Variants in DNAH2 observed in about 807,000 individuals in gnomAD.
DNAH2 encodes the protein axonemal beta dynein heavy chain 2.
Under a neutral mutation model 523.5 loss-of-function variants are expected in DNAH2, and 323 were observed. The observed-to-expected ratio is 0.62, with a 90% CI of 0.56 to 0.68. DNAH2 has a LOEUF of 0.68. Ranked by LOEUF, DNAH2 falls within the 30% of genes least tolerant of loss-of-function variation. DNAH2 has a pLI of 0.00. For synonymous variants in DNAH2, 2,093 were observed against 2,177.4 expected (o/e 0.96, Z 1.08); for missense variants, 4,907 against 5,701.5 (o/e 0.86, Z 4.49).
At chr17:7,813,070 A>G (rs2077564463) in intron 63 of DNAH2, among the ~76,000 whole-genome samples, 1 of 152,124 alleles carries the variant, frequency 6.6e-6, no homozygotes, top group South Asian at 2.1e-4. Flanking sequence ...GCCTCTAAAG[A>G]AGGAACCTGG....
chr17:7,808,835 C>T (rs1349384336), intron 63 of DNAH2, among the ~76,000 whole-genome samples: 1 of 152,190 alleles, frequency 6.6e-6, no homozygotes, highest in Non-Finnish European at 1.5e-5. Context: ...GTCTCAAACT[C>T]CTGACCTCAG....
Position 7,780,480 on chromosome 17 carries a change from C to A in DNAH2, c.5851-150C>A. On this transcript the variant is annotated intron_variant, in intron 37 of 85. Coordinates refer to ENST00000572933, the MANE Select transcript of DNAH2 (RefSeq NM_020877.5). This position sits in a 1 kb window ranked among gnomAD's most constrained non-coding sequence, Gnocchi z 4.4. ...TGATATCACTAACTGACAATGGCGT[C>A]ATTCACACAATTTCCTCAGGAGAAT... The A allele has an allele frequency of 7.2e-7, 1 of 1,384,544 alleles. No individual in the cohort carries two copies. Among genetic ancestry groups the A allele is most frequent in the Non-Finnish European group, 9.9e-7 (1 of 1,008,536 alleles). The allele number at this position is 1,384,544 out of a possible 1,614,324, so 85.8% of individuals were successfully genotyped here. A position where few individuals can be genotyped will look rare whatever the true frequency, so the allele number is the denominator to read the frequency against.
At chr17:7,825,489 G>A (rs909688652) in intron 77 of DNAH2, among the ~76,000 whole-genome samples, 2 of 152,162 alleles carry the variant, frequency 1.3e-5, no homozygotes, top group Non-Finnish European at 2.9e-5. Context: ...ACAGTCGACT[G>A]TCCCTTTCCC....
rs1371061371 is a variant in DNAH2, at chr17:7,780,602, T to C, written c.5851-28T>C. ...CAGAGGGATTTGTGGGGAGATGGAC[T>C]GTTTCCTCCTCTGTTTTGGTTCCCC... On this transcript the variant is annotated intron_variant, in intron 37 of 85. Coordinates refer to ENST00000572933, the MANE Select transcript of DNAH2 (RefSeq NM_020877.5). This position sits in a 1 kb window ranked among gnomAD's most constrained non-coding sequence, Gnocchi z 4.4. The C allele has an allele frequency of 6.2e-7, 1 of 1,611,610 alleles. No homozygotes were observed. Among genetic ancestry groups the C allele is most frequent in the Non-Finnish European group, 8.5e-7 (1 of 1,178,718 alleles).
intron 39 of DNAH2, among the ~76,000 whole-genome samples, chr17:7,785,536 C>T (rs1485091520): frequency 6.6e-6 from 1 of 152,162 alleles, no homozygotes; most frequent in Admixed American, 6.5e-5. Context: ...TTAGTGAGGC[C>T]TGTTAGTGCA....
chr17:7,798,190 G>A lies in DNAH2; in HGVS notation c.8264G>A (p.Arg2755Gln), dbSNP rs200955449. The A allele has an allele frequency of 3.2e-4, 513 of 1,609,824 alleles. 3 individuals carry two copies. The highest frequency in any genetic ancestry group is 6.2e-5 in the Non-Finnish European group (73 of 1,176,680). ...TRIVRVIGQP[R>Q]GNMLLVGIGG... is the part of the protein sequence containing the mutation. ...ATCGTGCGGGTCATTGGACAGCCTC[G>A]GGGCAACATGCTCCTGGTGGGTATC... Residue 2755 changes from arginine to glutamine, a missense_variant, in exon 54 of 86, where the codon CGG becomes CAG. Physicochemically the swap from Arg to Gln is conservative, Grantham distance 43 (BLOSUM62 1). This residue lies in a region of DNAH2 where 1,851 missense variants were observed against 2,139.4 expected (regional missense o/e 0.87). Coordinates refer to ENST00000572933, the MANE Select transcript of DNAH2 (RefSeq NM_020877.5). The surrounding 1 kb of genome is among the most constrained non-coding windows in gnomAD (Gnocchi z 5.5).
chr17:7,822,080 C>T lies in DNAH2; in HGVS notation c.11142+711C>T, dbSNP rs140604172. 5.9e-3 allele frequency among the ~76,000 whole-genome samples: 894 copies of T among 152,310 alleles called. 11 individuals carry two copies. The highest frequency in any genetic ancestry group is 0.02 in the African/African-American group (842 of 41,564). ...CGACCTCCCAGGCTCAAGCCATCCT[C>T]GCATCTTAGCCTCTGGAGTAGCTGG... On this transcript the variant is annotated intron_variant, in intron 73 of 85. Transcript: ENST00000572933.
Position 7,780,329 on chromosome 17 carries a change from A to G in DNAH2, c.5850+45A>G. ...TCTCCAGTGATTTTAATTTCCTTTC[A>G]TAATTATTCCCTGGACAGAGGAGCT... On this transcript the variant is annotated intron_variant, in intron 37 of 85. Transcript: ENST00000572933. The surrounding 1 kb of genome is among the most constrained non-coding windows in gnomAD (Gnocchi z 4.4). 1 of 1,613,320 alleles carries G rather than the reference A, an allele frequency of 6.2e-7. No homozygotes were observed. The highest frequency in any genetic ancestry group is 8.5e-7 in the Non-Finnish European group (1 of 1,179,766).
intron 76 of DNAH2, 96 bp from the exon 77 acceptor site, chr17:7,824,441 G>GC (rs1213599455): frequency 1.6e-5 from 22 of 1,396,514 alleles, no homozygotes; most frequent in African/African-American, 4.4e-5. Context: ...TTAGTGTTAG[G>GC]CCCCCCCAGC....
At chr17:7,818,256 G>A (rs1322682101) in intron 68 of DNAH2, 56 bp from the exon 69 acceptor site, 5 of 1,606,664 alleles carry the variant, frequency 3.1e-6, no homozygotes, top group Non-Finnish European at 4.3e-6. Flanking sequence ...GTGGGGGATG[G>A]GTTAGCTGGT....
chr17:7,816,363 A>G (rs185899543), intron 63 of DNAH2, among the ~76,000 whole-genome samples: 44 of 152,240 alleles, frequency 2.9e-4, no homozygotes, highest in Middle Eastern at 3.4e-3. Flanking sequence ...AAGAAAATTC[A>G]CCTCATCTCA....
At chr17:7,781,696 A>ACTGAAGTGTACCTG (rs1453423379) in intron 39 of DNAH2, among the ~76,000 whole-genome samples, 1 of 152,114 alleles carries the variant, frequency 6.6e-6, no homozygotes, top group East Asian at 1.9e-4. Flanking sequence ...CCGCTGACCT[A>ACTGAAGTGTACCTG]CTCAAGTGTA....
At chr17:7,820,263 C>A (rs2077816827) in intron 72 of DNAH2, among the ~76,000 whole-genome samples, 1 of 152,186 alleles carries the variant, frequency 6.6e-6, no homozygotes, top group Non-Finnish European at 1.5e-5. Context: ...GCACAATGGT[C>A]TCCTAGAGGT....
chr17:7,830,743 A>G lies in DNAH2; in HGVS notation c.12131A>G (p.Asn4044Ser), dbSNP rs780491886. ...DALKYLIAGI[N>S]YGGHVTDDWD... is the part of the protein sequence containing the mutation. ...CTTAAGTACCTCATTGCCGGCATCA[A>G]CTATGGTGGACATGTCACAGATGAC... is the stretch of plus-strand genomic sequence containing the variant. Residue 4044 changes from asparagine to serine, a missense_variant, in exon 79 of 86, where the codon AAC becomes AGC. Coordinates refer to ENST00000572933, the MANE Select transcript of DNAH2 (RefSeq NM_020877.5). 5.0e-6 allele frequency: 8 copies of G among 1,614,210 alleles called. No individual in the cohort carries two copies. The highest frequency in any genetic ancestry group is 6.8e-6 in the Non-Finnish European group (8 of 1,180,054).
Position 7,754,833 on chromosome 17 carries a change from C to T in DNAH2, c.1905-2258C>T. ...TCAGGCTCCCAAAGCTGCCCAGTGC[C>T]CTACAAAGACTTCAGAGTAGATATC... On this transcript the variant is annotated intron_variant, in intron 12 of 85. Transcript: ENST00000572933. This position sits in a 1 kb window ranked among gnomAD's most constrained non-coding sequence, Gnocchi z 4.6. 4.3e-6 allele frequency: 3 copies of T among 699,858 alleles called. No individual in the cohort carries two copies. The South Asian group carries it at 4.8e-5, about 11-fold the overall frequency. The allele number at this position is 699,858 out of a possible 1,614,324, so 43.4% of individuals were successfully genotyped here. A position where few individuals can be genotyped will look rare whatever the true frequency, so the allele number is the denominator to read the frequency against.
intron 12 of DNAH2, among the ~76,000 whole-genome samples, chr17:7,748,369 C>G (rs779249454): frequency 1.3e-5 from 2 of 152,180 alleles, no homozygotes; most frequent in African/African-American, 4.8e-5. Flanking sequence ...CTTTTCCCCC[C>G]GGGTCAGCCC....
In DNAH2 at chr17:7,828,479, T is replaced by C. The variant is rs764296747; in HGVS notation, c.11854-1821T>C. Among the ~76,000 whole-genome samples, 1 of 152,166 alleles carries C rather than the reference T, an allele frequency of 6.6e-6. No individual in the cohort carries two copies. Among genetic ancestry groups the C allele is most frequent in the Non-Finnish European group, 1.5e-5 (1 of 68,040 alleles). The stretch of plus-strand genomic sequence containing the variant: ...TTCCTCTTTTTTTAGACAGAGAGGG[T>C]CTTGCTCTATAGCCCAGGTGGAGTG... On this transcript the variant is annotated intron_variant, in intron 77 of 85. Transcript: ENST00000572933. This position sits in a 1 kb window ranked among gnomAD's most constrained non-coding sequence, Gnocchi z 4.1.
At chr17:7,779,203 G>A (rs9907977) in intron 35 of DNAH2, 40 bp from the exon 36 acceptor site, 28,662 of 1,601,752 alleles carry the variant, frequency 0.018, 1,106 homozygotes, top group East Asian at 0.13. Flanking sequence ...GCCTCTTGGG[G>A]CACCTCTCGC....
At chr17:7,763,698 TG>T in intron 18 of DNAH2, 132 bp from the exon 19 acceptor site, 1 of 999,796 alleles carries the variant, frequency 1.0e-6, no homozygotes, top group Non-Finnish European at 1.5e-6. Context: ...GAGGGATGCC[TG>T]GGAGTAGAAG....
Sources: gnomAD v4.1 joint callset for allele counts (sites outside exome capture counted in the v4.1 genomes callset) on GRCh38, gnomAD v4.1.1 for gene constraint, gnomAD v4.1.1 regional missense constraint, Gnocchi (gnomAD v3.1) non-coding constraint, MANE v1.5 for transcripts, NCBI Gene and HGNC (gene_info 2026-07-23, HGNC 2026-07-21) for gene names.